Variants in FAM135B observed in about 807,000 individuals in gnomAD.
FAM135B encodes the protein family with sequence similarity 135 member B.
Under a neutral mutation model 127.7 loss-of-function variants are expected in FAM135B, and 43 were observed. The ratio of observed to expected loss-of-function variants is 0.34; its 90% CI spans 0.26 to 0.43. The LOEUF (loss-of-function observed/expected upper bound fraction) is 0.43, where lower values mean the gene tolerates loss of function less well. Among genes scored for constraint, FAM135B ranks in the 20% least tolerant of loss-of-function variants. FAM135B has a pLI of 1.00. For synonymous variants in FAM135B, 670 were observed against 665.1 expected, an observed-to-expected ratio of 1.01 and a Z score of -0.11; for missense variants, 1,558 against 1,725.6, an observed-to-expected ratio of 0.90 and a Z score of 1.72.
At chr8:138,457,726 C>T (rs1376988782) in intron 1 of FAM135B, among the ~76,000 whole-genome samples, 5 of 152,174 alleles carry the variant, frequency 3.3e-5, no homozygotes. Context: ...AATCCCAACA[C>T]TTTCAGAGGC....
At chr8:138,182,791 G>C (rs1235401136) in intron 9 of FAM135B, among the ~76,000 whole-genome samples, 1 of 152,208 alleles carries the variant, frequency 6.6e-6, no homozygotes, top group Non-Finnish European at 1.5e-5. Context: ...TCTCTCACTG[G>C]TCCTCAATTA....
At chr8:138,240,252 G>T (rs1043095448) in intron 7 of FAM135B, among the ~76,000 whole-genome samples, 1 of 152,142 alleles carries the variant, frequency 6.6e-6, no homozygotes, top group Non-Finnish European at 1.5e-5. Flanking sequence ...GCTTTCTACC[G>T]CATTGTAACA....
intron 1 of FAM135B, among the ~76,000 whole-genome samples, chr8:138,372,112 A>T (rs528155221): frequency 6.6e-6 from 1 of 152,340 alleles, no homozygotes; most frequent in South Asian, 2.1e-4. Context: ...GGCCTTTGCC[A>T]TGCCTCAGTC....
chr8:138,488,838 C>T (rs1209983783), intron 1 of FAM135B, among the ~76,000 whole-genome samples: 2 of 151,976 alleles, frequency 1.3e-5, no homozygotes, highest in African/African-American at 2.4e-5. Flanking sequence ...AGCTAATTTT[C>T]GTATTTTTTG....
intron 3 of FAM135B, among the ~76,000 whole-genome samples, chr8:138,278,428 T>A (rs1823998204): frequency 6.6e-6 from 1 of 151,824 alleles, no homozygotes; most frequent in South Asian, 2.1e-4. Context: ...TCAAAAGCAA[T>A]ATGTGTTTGC....
At chr8:138,373,829 G>A (rs1370162092) in intron 1 of FAM135B, among the ~76,000 whole-genome samples, 10 of 152,040 alleles carry the variant, frequency 6.6e-5, no homozygotes, top group Non-Finnish European at 7.4e-5. Context: ...GGCTTATTAG[G>A]AAGAGGAAAT....
chr8:138,140,703 G>A (rs1175652575), intron 17 of FAM135B, among the ~76,000 whole-genome samples: 1 of 151,940 alleles, frequency 6.6e-6, no homozygotes, highest in Non-Finnish European at 1.5e-5. Context: ...TACTTACATT[G>A]TGTACATGCT....
At chr8:138,448,409 A>G (rs1354822732) in intron 1 of FAM135B, among the ~76,000 whole-genome samples, 1 of 152,084 alleles carries the variant, frequency 6.6e-6, no homozygotes, top group African/African-American at 2.4e-5. Context: ...TCTGTCTGTC[A>G]TTTTTTCCTT....
intron 1 of FAM135B, among the ~76,000 whole-genome samples, chr8:138,402,321 G>A (rs955412143): frequency 9.9e-5 from 15 of 152,088 alleles, no homozygotes; most frequent in East Asian, 3.9e-4. Context: ...TCAGTTTTTC[G>A]TGGGAAATAG....
At chr8:138,418,247 A>G (rs1439467023) in intron 1 of FAM135B, among the ~76,000 whole-genome samples, 3 of 152,198 alleles carry the variant, frequency 2.0e-5, no homozygotes, top group Admixed American at 6.5e-5. Flanking sequence ...ACAAAAGTAA[A>G]GTGAAAAGAA....
intron 1 of FAM135B, among the ~76,000 whole-genome samples, chr8:138,394,442 T>A (rs1291648583): frequency 6.6e-6 from 1 of 152,202 alleles, no homozygotes; most frequent in African/African-American, 2.4e-5. Context: ...GCTAAGTCTC[T>A]TAGCCAGTAA....
At chr8:138,165,462 C>T (rs1819825077) in intron 12 of FAM135B, among the ~76,000 whole-genome samples, 3 of 152,112 alleles carry the variant, frequency 2.0e-5, no homozygotes, top group Non-Finnish European at 2.9e-5. Flanking sequence ...TGTGTTATAA[C>T]TTCACCTGTG....
chr8:138,236,610 T>C (rs1820296807), intron 7 of FAM135B, among the ~76,000 whole-genome samples: 1 of 152,194 alleles, frequency 6.6e-6, no homozygotes, highest in Non-Finnish European at 1.5e-5. Context: ...GTGACATACT[T>C]AAACTCTCCC....
chr8:138,439,725 T>C (rs1437778451), intron 1 of FAM135B: 1 of 152,214 alleles, frequency 6.6e-6, no homozygotes, highest in Non-Finnish European at 1.5e-5. Flanking sequence ...CTAACCCCTC[T>C]GCTAGGGATG....
intron 2 of FAM135B, among the ~76,000 whole-genome samples, chr8:138,314,258 G>C (rs1045208714): frequency 4.6e-5 from 7 of 152,172 alleles, no homozygotes; most frequent in Admixed American, 4.6e-4. Flanking sequence ...TGGCAGAAAT[G>C]TGACCAGAGG....
At position 138,152,548 on chromosome 8, in the gene FAM135B, G is replaced by T. The variant is rs749496582; in HGVS notation, c.1927C>A (p.Pro643Thr). Residue 643 changes from proline to threonine, a missense_variant, in exon 13 of 20, where the codon CCA becomes ACA. Coordinates refer to ENST00000395297, the MANE Select transcript of FAM135B (RefSeq NM_015912.4). ...GGCTCCCTCAGGGTAGAACTTAGTGGATCACAGGGCTCAGAGGGGGTGAGT... is the reference window on the plus strand; with the variant it reads ...GGCTCCCTCAGGGTAGAACTTAGTGTATCACAGGGCTCAGAGGGGGTGAGT... ...LKLTPSEPCD[P>T]LSSTLREPLD... is the part of the protein sequence containing the mutation. The T allele has an allele frequency of 1.9e-6, 3 of 1,614,154 alleles. No homozygotes were observed. In the East Asian group the frequency reaches 6.7e-5, roughly 36 times the overall value.
chr8:138,299,890 T>C (rs908629197), intron 3 of FAM135B, among the ~76,000 whole-genome samples: 14 of 152,156 alleles, frequency 9.2e-5, no homozygotes, highest in Non-Finnish European at 1.5e-5. Context: ...TTGTGGGAAA[T>C]TTTAATATAA....
At chr8:138,423,780 A>G (rs1834670580) in intron 1 of FAM135B, among the ~76,000 whole-genome samples, 1 of 152,190 alleles carries the variant, frequency 6.6e-6, no homozygotes, top group African/African-American at 2.4e-5. Flanking sequence ...TCTCATCCTA[A>G]TAAACCTGGG....
chr8:138,363,763 C>G (rs1177699153), intron 2 of FAM135B, among the ~76,000 whole-genome samples: 1 of 152,140 alleles, frequency 6.6e-6, no homozygotes, highest in Non-Finnish European at 1.5e-5. Flanking sequence ...TATCTTTATG[C>G]TTCCAACATA....
Sources: allele counts gnomAD v4.1 joint callset (sites outside exome capture counted in the v4.1 genomes callset), GRCh38; gene constraint gnomAD v4.1.1; transcripts MANE v1.5; gene names NCBI Gene and HGNC (gene_info 2026-07-23, HGNC 2026-07-21).